The following MED13L variants were observed in gnomAD, a reference collection of about 807,000 sequenced individuals.
MED13L encodes the protein mediator complex subunit 13L.
Under a neutral mutation model 220.9 loss-of-function variants are expected in MED13L, and 7 were observed. That is an observed-to-expected ratio of 0.03 (90% CI 0.02 to 0.06). MED13L has a LOEUF of 0.06. Among genes scored for constraint, MED13L ranks in the 10% least tolerant of loss-of-function variants. The probability of loss-of-function intolerance (pLI) is 1.00; values close to 1 mark genes in which losing one functional copy is unlikely to be tolerated. For synonymous variants in MED13L, 1,011 were observed against 1,015.2 expected (o/e 1.00, Z 0.08); for missense variants, 1,965 against 2,760.5 (o/e 0.71, Z 6.46).
chr12:116,276,967 CCGGCGGCGGGAGGAGAAAGTTGGT>C, intron 1 of MED13L, 69 bp downstream of exon 1: 1 of 1,382,316 alleles, frequency 7.2e-7, no homozygotes, highest in Non-Finnish European at 1.0e-6. Flanking sequence ...GGGCGAAGTC[CCGGCGGCGGGAGGAGAAAGTTGGT>C]CGGCGGCGGA....
At position 116,088,039 on chromosome 12, in the gene MED13L, A is replaced by C. The variant is rs192289509; in HGVS notation, c.479+8630T>G. ...TATGAAGAAGATATTAAAATCTGCA[A>C]AAACCTGAGTTACCAAATGCAGGAA... On this transcript the variant is annotated intron_variant, in intron 4 of 30. Coordinates refer to ENST00000281928, the MANE Select transcript of MED13L (RefSeq NM_015335.5). Among the ~76,000 whole-genome samples the C allele has an allele frequency of 5.5e-4, 84 of 152,324 alleles. No homozygotes were observed. In the South Asian group the frequency reaches 6.4e-3, roughly 12 times the overall value.
At chr12:116,083,271 G>A (rs1446844063) in intron 4 of MED13L, among the ~76,000 whole-genome samples, 1 of 151,934 alleles carries the variant, frequency 6.6e-6, no homozygotes, top group African/African-American at 2.4e-5. Context: ...AGGCATGGTG[G>A]TACATGCCTA....
intron 4 of MED13L, among the ~76,000 whole-genome samples, chr12:116,056,282 TTTG>T (rs1340158619): frequency 6.0e-5 from 8 of 133,576 alleles, no homozygotes; most frequent in East Asian, 2.0e-4. Flanking sequence ...TTGTTTTTTG[TTTG>T]TTTTTTTTTT....
rs779573033 is a variant in MED13L at position 115,984,387 on chromosome 12, A to G, written c.4339-15T>C. 6.2e-7 allele frequency: 1 copy of G among 1,613,778 alleles called. No homozygotes were observed. The highest frequency in any genetic ancestry group is 1.1e-5 in the South Asian group (1 of 91,050). On this transcript the variant is annotated splice_polypyrimidine_tract_variant and intron_variant, in intron 19 of 30. Coordinates refer to ENST00000281928, the MANE Select transcript of MED13L (RefSeq NM_015335.5). ...AGCCTACACATCTGATATCATAGAC[A>G]AGATCATTAGTTATAACAGGAGCCA...
At chr12:116,053,582 A>C (rs1868691780) in intron 4 of MED13L, among the ~76,000 whole-genome samples, 1 of 152,218 alleles carries the variant, frequency 6.6e-6, no homozygotes, top group African/African-American at 2.4e-5. Context: ...CTTAATTCTC[A>C]CAACAACTCT....
intron 4 of MED13L, among the ~76,000 whole-genome samples, chr12:116,059,099 G>A (rs536159955): frequency 1.3e-5 from 2 of 152,016 alleles, no homozygotes; most frequent in Non-Finnish European, 2.9e-5. Flanking sequence ...ACAGGGTCTC[G>A]CTCTGTCACC....
intron 4 of MED13L, among the ~76,000 whole-genome samples, chr12:116,092,482 A>C (rs777371698): frequency 6.6e-6 from 1 of 152,116 alleles, no homozygotes; most frequent in Non-Finnish European, 1.5e-5. Flanking sequence ...GTTATCTTTG[A>C]GGAGATAAAG....
chr12:116,072,907 G>A (rs1283806304), intron 4 of MED13L, among the ~76,000 whole-genome samples: 1 of 152,142 alleles, frequency 6.6e-6, no homozygotes, highest in Non-Finnish European at 1.5e-5. Context: ...AATTAGGTTC[G>A]TTTGTTAAAA....
At chr12:115,984,473 T>C in intron 19 of MED13L, 101 bp from the exon 20 acceptor site, 1 of 1,336,124 alleles carries the variant, frequency 7.5e-7, no homozygotes. Context: ...ATGGAAGCAT[T>C]TTCCTTTTTC....
intron 2 of MED13L, among the ~76,000 whole-genome samples, chr12:116,225,816 CTTT>C (rs1049095550): frequency 6.6e-6 from 1 of 152,120 alleles, no homozygotes; most frequent in Non-Finnish European, 1.5e-5. Flanking sequence ...CAAATATTTA[CTTT>C]TTTTCTCTTG....
chr12:115,961,797 C>CA (rs1286568664), intron 30 of MED13L, among the ~76,000 whole-genome samples: 1 of 151,922 alleles, frequency 6.6e-6, no homozygotes, highest in African/African-American at 2.4e-5. Flanking sequence ...ATGGTGAAAC[C>CA]CCATCTCTAT....
At chr12:116,205,896 G>A (rs1321701073) in intron 2 of MED13L, among the ~76,000 whole-genome samples, 2 of 146,782 alleles carry the variant, frequency 1.4e-5, no homozygotes, top group Admixed American at 1.4e-4. Context: ...AAATACAGCA[G>A]TTTCTGCTGT....
chr12:116,028,526 C>T (rs1041340592), intron 4 of MED13L, among the ~76,000 whole-genome samples: 1 of 152,152 alleles, frequency 6.6e-6, no homozygotes, highest in Non-Finnish European at 1.5e-5. Flanking sequence ...TTCTTCTTAA[C>T]ATAGTGTTTA....
intron 23 of MED13L, 33 bp from the exon 24 acceptor site, chr12:115,975,771 A>C (rs1350322088): frequency 1.1e-5 from 18 of 1,588,610 alleles, no homozygotes; most frequent in Non-Finnish European, 1.5e-5. Context: ...TATCAGTACA[A>C]AGCCATACAA....
At chr12:116,270,288 C>T (rs1193983043) in intron 1 of MED13L, among the ~76,000 whole-genome samples, 3 of 151,880 alleles carry the variant, frequency 2.0e-5, no homozygotes, top group Admixed American at 1.3e-4. Flanking sequence ...ACTACAGACG[C>T]GCACCACCAC....
intron 1 of MED13L, among the ~76,000 whole-genome samples, chr12:116,239,011 C>T (rs1398328426): frequency 6.6e-6 from 1 of 152,102 alleles, no homozygotes; most frequent in Non-Finnish European, 1.5e-5. Context: ...ACAAGAATTG[C>T]TTGAACTTGG....
At chr12:116,146,386 C>T (rs1157294044) in intron 2 of MED13L, among the ~76,000 whole-genome samples, 1 of 151,772 alleles carries the variant, frequency 6.6e-6, no homozygotes. Context: ...TCCCAAAGTG[C>T]TGGGATTACA....
intron 4 of MED13L, among the ~76,000 whole-genome samples, chr12:116,041,413 T>G (rs1330406613): frequency 2.0e-5 from 3 of 152,190 alleles, no homozygotes; most frequent in Non-Finnish European, 2.9e-5. Flanking sequence ...CTCAGGTAGT[T>G]CTTTATAGCA....
At chr12:115,995,138 G>A (rs568398761) in intron 16 of MED13L, among the ~76,000 whole-genome samples, 4 of 152,108 alleles carry the variant, frequency 2.6e-5, no homozygotes, top group Admixed American at 1.3e-4. Flanking sequence ...GTCTTGTTAC[G>A]ACATTAAAAT....
Sources: allele counts gnomAD v4.1 joint callset (sites outside exome capture counted in the v4.1 genomes callset), GRCh38; gene constraint gnomAD v4.1.1; transcripts MANE v1.5; gene names NCBI Gene and HGNC (gene_info 2026-07-23, HGNC 2026-07-21).